MTMR12: variants seen among roughly 807,000 people sequenced by gnomAD.
The protein encoded by MTMR12 is myotubularin-related protein 12.
Under a neutral mutation model 96.7 loss-of-function variants are expected in MTMR12, and 33 were observed. The observed-to-expected ratio is 0.34, with a 90% confidence interval of 0.26 to 0.46. The LOEUF (loss-of-function observed/expected upper bound fraction) is 0.46, where lower values mean the gene tolerates loss of function less well. MTMR12 is among the 20% of genes least tolerant of loss of function. The pLI is 1.00. For missense variants in MTMR12, 721 were observed against 896.1 expected, an observed-to-expected ratio of 0.80 and a Z score of 2.49; for synonymous variants, 298 against 327.2, an observed-to-expected ratio of 0.91 and a Z score of 0.96.
At chr5:32,307,581 GTCC>G (rs1751409294) in intron 1 of MTMR12, among the ~76,000 whole-genome samples, 1 of 152,034 alleles carries the variant, frequency 6.6e-6, no homozygotes, top group Admixed American at 6.6e-5. Flanking sequence ...CAAAATTATG[GTCC>G]TATATACAAA....
intron 1 of MTMR12, among the ~76,000 whole-genome samples, chr5:32,299,883 C>T (rs930041584): frequency 2.6e-5 from 4 of 152,286 alleles, no homozygotes; most frequent in African/African-American, 9.6e-5. Context: ...CTGCTTGCTA[C>T]ATTATCCCCC....
chr5:32,268,708 G>T lies in MTMR12; in HGVS notation c.576C>A (p.Asn192Lys). 1 of 1,612,924 alleles carries T rather than the reference G, an allele frequency of 6.2e-7. No homozygotes were observed. Among genetic ancestry groups the T allele is most frequent in the Non-Finnish European group, 8.5e-7 (1 of 1,178,958 alleles). Reference protein sequence around the residue: ...FLFSYATAAQNNTVTDPKNHT... With the variant: ...FLFSYATAAQKNTVTDPKNHT... ...AACCCAGAAGATATTTACCTGTATT[G>T]TTTTGTGCAGCAGTCGCATAGGAAA... The change falls in exon 6 of 16, where the codon AAC becomes AAA. Residue 192 changes from asparagine (N) to lysine (K), a missense_variant. Physicochemically the swap from Asn to Lys is moderately conservative, Grantham distance 94. Coordinates refer to ENST00000382142, the MANE Select transcript of MTMR12 (RefSeq NM_001040446.3).
In MTMR12 at chr5:32,239,170, T is replaced by A; in HGVS notation, c.1175A>T (p.Glu392Val). 1 of 1,596,046 alleles carries A rather than the reference T, an allele frequency of 6.3e-7. No homozygotes were observed. The highest frequency in any genetic ancestry group is 2.2e-5 in the East Asian group (1 of 44,548). ...AQNMNVLLLEENASDLCCLIS... is the reference protein window; with the variant it reads ...AQNMNVLLLEVNASDLCCLIS... ...GAGACAGCAGAGGTCGGATGCATTC[T>A]CCTCTAGGAGAGGCCCCAGCAGCAG... The change falls in exon 13 of 16, where the codon GAG (glutamate) becomes GTG (valine). Residue 392 changes from glutamate to valine, a missense_variant. Physicochemically the swap from Glu to Val is moderately radical, Grantham distance 121. Transcript: ENST00000382142.
chr5:32,271,238 T>C (rs1189163556), intron 4 of MTMR12, among the ~76,000 whole-genome samples: 2 of 152,130 alleles, frequency 1.3e-5, no homozygotes, highest in Non-Finnish European at 2.9e-5. Context: ...CTCTGAAAGT[T>C]GAGCTTATAA....
intron 1 of MTMR12, among the ~76,000 whole-genome samples, chr5:32,298,027 T>C (rs1168964282): frequency 1.3e-5 from 2 of 152,226 alleles, no homozygotes; most frequent in Non-Finnish European, 2.9e-5. Context: ...GGCAGGATCT[T>C]GGCTGTGCCT....
chr5:32,281,462 G>A (rs928972462), intron 1 of MTMR12, among the ~76,000 whole-genome samples: 2 of 152,066 alleles, frequency 1.3e-5, no homozygotes, highest in African/African-American at 4.8e-5. Flanking sequence ...CCAGGGTAAA[G>A]GAAATAGCAT....
chr5:32,298,829 T>G (rs1283500607), intron 1 of MTMR12, among the ~76,000 whole-genome samples: 1 of 151,572 alleles, frequency 6.6e-6, no homozygotes, highest in Non-Finnish European at 1.5e-5. Context: ...GGCAGGCGTC[T>G]GTAGTCCCAG....
intron 7 of MTMR12, 140 bp downstream of exon 7, chr5:32,262,973 T>G: frequency 9.5e-7 from 1 of 1,052,542 alleles, no homozygotes; most frequent in African/African-American, 1.6e-5. Flanking sequence ...AGCCAATGGG[T>G]ATGGAGTTTC....
At chr5:32,261,524 C>G (rs1415412056) in intron 7 of MTMR12, among the ~76,000 whole-genome samples, 5 of 152,294 alleles carry the variant, frequency 3.3e-5, no homozygotes, top group African/African-American at 9.6e-5. Context: ...CTGACCAACC[C>G]TCCCACCATC....
intron 11 of MTMR12, among the ~76,000 whole-genome samples, chr5:32,242,610 C>T (rs1748522637): frequency 6.6e-6 from 1 of 151,816 alleles, no homozygotes; most frequent in Non-Finnish European, 1.5e-5. Flanking sequence ...CCAGCTTTGA[C>T]TTGTATAACT....
chr5:32,274,107 C>A lies in MTMR12; in HGVS notation c.158G>T (p.Cys53Phe). ...LHLLPGEQLL[C>F]EASTVLKYVQ... Reference sequence around the variant, plus strand: ...ATACTTCAGTACTGTGCTGGCTTCACAAAGCAGCTGTTCACCTGGTAGAAA... The same window carrying A: ...ATACTTCAGTACTGTGCTGGCTTCAAAAAGCAGCTGTTCACCTGGTAGAAA... Residue 53 changes from cysteine to phenylalanine, a missense_variant, in exon 3 of 16, where the codon TGT becomes TTT. Cys to Phe is a radical substitution (Grantham distance 205). Coordinates refer to ENST00000382142, the MANE Select transcript of MTMR12 (RefSeq NM_001040446.3). 1 of 1,614,154 alleles carries A rather than the reference C, an allele frequency of 6.2e-7. No individual in the cohort carries two copies. Among genetic ancestry groups the A allele is most frequent in the Non-Finnish European group, 8.5e-7 (1 of 1,180,020 alleles).
At chr5:32,278,619 C>G (rs1352798529) in intron 1 of MTMR12, among the ~76,000 whole-genome samples, 2 of 152,142 alleles carry the variant, frequency 1.3e-5, no homozygotes, top group Admixed American at 1.3e-4. Flanking sequence ...AGCTTGTTAT[C>G]TAAACACTCT....
intron 5 of MTMR12, among the ~76,000 whole-genome samples, chr5:32,269,825 A>T (rs1749762985): frequency 6.6e-6 from 1 of 152,224 alleles, no homozygotes; most frequent in African/African-American, 2.4e-5. Flanking sequence ...ATGGAAGATA[A>T]GGGAAAGAAA....
rs2111963492 is a variant in MTMR12, at chr5:32,228,563, A to ATT, written c.*1214_*1215insAA. On this transcript the variant is annotated 3_prime_UTR_variant, in exon 16 of 16. Transcript: ENST00000382142. ...TATATATCATATATATGTGATATAT[A>ATT]TATATCATATATATATCATATATAT... is the stretch of plus-strand genomic sequence containing the variant. The ATT allele has an allele frequency of 7.7e-6, 1 of 129,546 alleles. No homozygotes were observed. The highest frequency in any genetic ancestry group is 3.6e-5 in the African/African-American group (1 of 27,938). 8.0% of individuals were successfully genotyped at this position (129,546 alleles called of 1,614,324 possible).
At chr5:32,241,668 T>C (rs1748480984) in intron 12 of MTMR12, among the ~76,000 whole-genome samples, 1 of 152,216 alleles carries the variant, frequency 6.6e-6, no homozygotes, top group Non-Finnish European at 1.5e-5. Flanking sequence ...CTGAATAAAG[T>C]TGTCAACCAC....
At chr5:32,302,537 T>C (rs572578219) in intron 1 of MTMR12, among the ~76,000 whole-genome samples, 3 of 151,954 alleles carry the variant, frequency 2.0e-5, no homozygotes, top group East Asian at 1.9e-4. Context: ...ACCAACATGG[T>C]GAAACCCCGT....
Position 32,270,884 on chromosome 5 carries a change from A to T in MTMR12, c.422T>A (p.Ile141Asn). 6.2e-7 allele frequency: 1 copy of T among 1,614,094 alleles called. No homozygotes were observed. The highest frequency in any genetic ancestry group is 1.1e-5 in the South Asian group (1 of 91,076). ...QLKKYPEKLI[I>N]HCKDLRVFQF... is the part of the protein sequence containing the mutation. ...GAACACTCGAAGGTCTTTGCAGTGG[A>T]TGATGAGCTTCTCAGGGTATTTCTT... The change falls in exon 5 of 16, where the codon ATC becomes AAC. Residue 141 changes from isoleucine (I) to asparagine (N), a missense_variant. Ile to Asn is a moderately radical substitution (Grantham distance 149). Coordinates refer to ENST00000382142, the MANE Select transcript of MTMR12 (RefSeq NM_001040446.3).
At position 32,297,433 on chromosome 5, in the gene MTMR12, G is replaced by A. The variant is rs1187217238; in HGVS notation, c.81+15325C>T. ...CAGTTGTAACAAGTCTCCAGGGCAG[G>A]GGAACAGGCAATGACCTTGGACAAT... is the stretch of plus-strand genomic sequence containing the variant. On this transcript the variant is annotated intron_variant, in intron 1 of 15. Transcript: ENST00000382142. 2.6e-5 allele frequency among the ~76,000 whole-genome samples: 4 copies of A among 152,118 alleles called. No homozygotes were observed. The East Asian group carries it at 5.8e-4, about 22-fold the overall frequency.
chr5:32,255,790 AAGTTTT>A, intron 7 of MTMR12, 22 bp from the exon 8 acceptor site: 1 of 1,582,922 alleles, frequency 6.3e-7, no homozygotes, highest in Admixed American at 1.7e-5. Flanking sequence ...AAATGTCATC[AAGTTTT>A]AGTACAACAC....
Sources: gnomAD v4.1 joint callset for allele counts (sites outside exome capture counted in the v4.1 genomes callset) on GRCh38, gnomAD v4.1.1 for gene constraint, MANE v1.5 for transcripts, NCBI Gene and HGNC (gene_info 2026-07-23, HGNC 2026-07-21) for gene names.